The following ASB3 variants were observed in gnomAD, a reference collection of about 807,000 sequenced individuals.
The protein encoded by ASB3 is ankyrin repeat and SOCS box containing 3, also known as ankyrin repeat and SOCS box protein 3.
In ASB3, 41 loss-of-function variants were observed where a neutral mutation model predicts 54.5. The ratio of observed to expected loss-of-function variants is 0.75; its 90% CI spans 0.59 to 0.98. The LOEUF is 0.98. Ranked by LOEUF, ASB3 falls within the 50% of genes least tolerant of loss-of-function variation. The pLI is 0.00. For missense variants in ASB3, 733 were observed against 620.0 expected (o/e 1.18, Z -1.94); for synonymous variants, 266 against 221.2 (o/e 1.20, Z -1.80).
chr2:53,735,604 C>G (rs1455127819), intron 3 of ASB3, among the ~76,000 whole-genome samples: 2 of 150,790 alleles, frequency 1.3e-5, no homozygotes, highest in Non-Finnish European at 3.0e-5. Flanking sequence ...TCAAAATACC[C>G]AAAGGTGCTA....
At chr2:53,743,164 CTTT>C (rs60857484) in intron 3 of ASB3, among the ~76,000 whole-genome samples, 12 of 117,844 alleles carry the variant, frequency 1.0e-4, no homozygotes, top group Admixed American at 8.7e-5. Context: ...ATTTTTTTAC[CTTT>C]TTTTTTTTTT....
At chr2:53,688,185 T>C (rs1668731458) in intron 9 of ASB3, among the ~76,000 whole-genome samples, 1 of 152,202 alleles carries the variant, frequency 6.6e-6, no homozygotes, top group Non-Finnish European at 1.5e-5. Flanking sequence ...TAAGTTAACT[T>C]GGCTATAGGC....
intron 9 of ASB3, among the ~76,000 whole-genome samples, chr2:53,674,465 T>G (rs1292609816): frequency 1.3e-5 from 2 of 152,180 alleles, no homozygotes; most frequent in Non-Finnish European, 2.9e-5. Flanking sequence ...AAAGTTTTGT[T>G]AAAATCAAAA....
chr2:53,671,073 T>G (rs1667786233), intron 9 of ASB3, among the ~76,000 whole-genome samples: 1 of 152,234 alleles, frequency 6.6e-6, no homozygotes, highest in Admixed American at 6.5e-5. Flanking sequence ...TCCAGACCTA[T>G]CACATCAAGT....
intron 9 of ASB3, among the ~76,000 whole-genome samples, chr2:53,671,697 TG>T (rs1558507554): frequency 0.011 from 1,219 of 115,916 alleles, 71 homozygotes; most frequent in African/African-American, 0.036. Flanking sequence ...AGGCGGAGGT[TG>T]CAGTGAGCCG....
At chr2:53,768,365 A>G (rs1673648903) in intron 1 of ASB3, 1 of 213,258 alleles carries the variant, frequency 4.7e-6, no homozygotes, top group Non-Finnish European at 9.3e-6. Flanking sequence ...TGGCGGGAAG[A>G]TGAATGCTCA....
chr2:53,723,090 C>T (rs1261346551), intron 5 of ASB3, among the ~76,000 whole-genome samples: 1 of 151,922 alleles, frequency 6.6e-6, no homozygotes, highest in African/African-American at 2.4e-5. Flanking sequence ...CCATTTATAA[C>T]AGCCACCAAA....
At chr2:53,769,409 G>A (rs1673731177) in intron 1 of ASB3, among the ~76,000 whole-genome samples, 1 of 152,220 alleles carries the variant, frequency 6.6e-6, no homozygotes, top group Admixed American at 6.5e-5. Context: ...AAATATTTAT[G>A]TATGTGGCTA....
At chr2:53,711,761 G>A (rs57917521) in intron 7 of ASB3, among the ~76,000 whole-genome samples, 267 of 151,754 alleles carry the variant, frequency 1.8e-3, no homozygotes, top group African/African-American at 6.1e-3. Context: ...GCAACACAGC[G>A]AGACAGTCTC....
At chr2:53,731,902 CT>C (rs1209894097) in intron 3 of ASB3, among the ~76,000 whole-genome samples, 2 of 152,000 alleles carry the variant, frequency 1.3e-5, no homozygotes, top group Non-Finnish European at 2.9e-5. Context: ...ATCCACCAGC[CT>C]CGGCCTCCCA....
chr2:53,671,789 G>C (rs1259476771), intron 9 of ASB3, among the ~76,000 whole-genome samples: 4 of 125,178 alleles, frequency 3.2e-5, no homozygotes, highest in Non-Finnish European at 1.8e-5. Context: ...TCATATGATA[G>C]CAGTTTCATT....
At chr2:53,711,391 AAAC>A (rs1670087437) in intron 7 of ASB3, among the ~76,000 whole-genome samples, 1 of 152,156 alleles carries the variant, frequency 6.6e-6, no homozygotes, top group Non-Finnish European at 1.5e-5. Flanking sequence ...TCTCTATATT[AAAC>A]AACTGGTCAA....
At chr2:53,748,997 A>C (rs1416009310) in intron 3 of ASB3, among the ~76,000 whole-genome samples, 1 of 152,106 alleles carries the variant, frequency 6.6e-6, no homozygotes, top group East Asian at 1.9e-4. Context: ...CTACCACTTA[A>C]TCTCAAAAGG....
chr2:53,718,960 C>T (rs534587414), intron 5 of ASB3, among the ~76,000 whole-genome samples: 5 of 152,164 alleles, frequency 3.3e-5, no homozygotes, highest in South Asian at 2.1e-4. Context: ...CTCGCCGTGT[C>T]GCCAGGCTGG....
intron 7 of ASB3, among the ~76,000 whole-genome samples, chr2:53,711,949 T>C (rs77490334): frequency 0.091 from 13,884 of 152,146 alleles, 888 homozygotes; most frequent in Non-Finnish European, 0.14. Context: ...GAGGCTGTAG[T>C]GGAATTACTC....
intron 2 of ASB3, chr2:53,763,350 C>T: frequency 6.1e-6 from 1 of 162,664 alleles, no homozygotes. Context: ...CAGAGCAAGA[C>T]TCTGTCTCAG....
intron 5 of ASB3, among the ~76,000 whole-genome samples, chr2:53,725,457 A>T (rs1229033163): frequency 6.6e-6 from 1 of 152,226 alleles, no homozygotes; most frequent in Non-Finnish European, 1.5e-5. Flanking sequence ...AAATTATAAA[A>T]AATAAAATAA....
intron 3 of ASB3, among the ~76,000 whole-genome samples, chr2:53,740,257 A>G (rs1216053708): frequency 6.6e-6 from 1 of 151,608 alleles, no homozygotes; most frequent in Non-Finnish European, 1.5e-5. Flanking sequence ...TTCATTGTAT[A>G]GCTAGTTTAT....
At chr2:53,751,007 A>C in intron 2 of ASB3, 66 bp from the exon 3 acceptor site, 12 of 1,403,142 alleles carry the variant, frequency 8.6e-6, no homozygotes, top group Non-Finnish European at 1.1e-5. Context: ...TAAAAAGCAA[A>C]GATTCCAAGA....
Sources: allele counts gnomAD v4.1 joint callset (sites outside exome capture counted in the v4.1 genomes callset), GRCh38; gene constraint gnomAD v4.1.1; transcripts MANE v1.5; gene names NCBI Gene and HGNC (gene_info 2026-07-23, HGNC 2026-07-21).